The following VPS13D variants were observed in gnomAD, a reference collection of about 807,000 sequenced individuals.
VPS13D encodes vacuolar protein sorting 13 homolog D.
In VPS13D, 187 loss-of-function variants were observed where a neutral mutation model predicts 461.9. The ratio of observed to expected loss-of-function variants is 0.40; its 90% CI spans 0.36 to 0.46. VPS13D has a LOEUF of 0.46. Ranked by LOEUF, VPS13D falls within the 20% of genes least tolerant of loss-of-function variation. VPS13D has a pLI of 0.60. For synonymous variants in VPS13D, 1,951 were observed against 1,986.3 expected, an observed-to-expected ratio of 0.98 and a Z score of 0.47; for missense variants, 4,711 against 5,364.9, an observed-to-expected ratio of 0.88 and a Z score of 3.81.
Position 12,342,977 on chromosome 1 carries a change from T to C in VPS13D, c.8811T>C (p.Val2937=), listed in dbSNP as rs765051716. The change falls in exon 42 of 70, where the codon GTT becomes GTC. Residue 2937 remains valine, a synonymous_variant. Coordinates refer to ENST00000620676, the MANE Select transcript of VPS13D (RefSeq NM_015378.4). ...CATTTCTCGATGATACTCACAATGTTAGTGAATGGCGAGAAGTCCTTACAG... is the reference window on the plus strand; with the variant it reads ...CATTTCTCGATGATACTCACAATGTCAGTGAATGGCGAGAAGTCCTTACAG... ...NGTFLDDTHN[V]SEWREVLTGE... is the part of the protein sequence containing the mutation. 3.7e-6 allele frequency: 6 copies of C among 1,614,002 alleles called. No homozygotes were observed.
intron 9 of VPS13D, among the ~76,000 whole-genome samples, 158 bp downstream of exon 9, chr1:12,257,245 T>A (rs548728325): frequency 3.9e-4 from 60 of 152,376 alleles, no homozygotes; most frequent in Non-Finnish European, 4.3e-4. Flanking sequence ...TTGTTTATCA[T>A]CATTGATATT....
intron 16 of VPS13D, among the ~76,000 whole-genome samples, chr1:12,270,111 C>T (rs1420236822): frequency 1.3e-5 from 2 of 151,214 alleles, no homozygotes; most frequent in Non-Finnish European, 2.9e-5. Flanking sequence ...GCTATGATTA[C>T]ACCACTGCAC....
chr1:12,308,408 T>C lies in VPS13D; in HGVS notation c.6440-23T>C, dbSNP rs778119378. 6.2e-6 allele frequency: 10 copies of C among 1,613,546 alleles called. No individual in the cohort carries two copies. The South Asian group carries it at 9.9e-5, about 16-fold the overall frequency. On this transcript the variant is annotated intron_variant, in intron 26 of 69. Transcript: ENST00000620676. ...TTTGGGTCCCCTTTTCTTCATTACC[T>C]CTCTTTCCTTGGGTCCTTGTAGAAG...
At chr1:12,497,823 G>C (rs191342036) in intron 68 of VPS13D, among the ~76,000 whole-genome samples, 192 bp downstream of exon 68, 5 of 152,346 alleles carry the variant, frequency 3.3e-5, no homozygotes, top group Non-Finnish European at 1.5e-5. Context: ...ACTCAAAGCA[G>C]TGGTTCTCAA....
chr1:12,324,109 A>T (rs1643116265), intron 35 of VPS13D, among the ~76,000 whole-genome samples: 1 of 152,038 alleles, frequency 6.6e-6, no homozygotes, highest in Non-Finnish European at 1.5e-5. Flanking sequence ...GGGTTTCACC[A>T]TGTTGGCCAG....
intron 43 of VPS13D, 149 bp downstream of exon 43, chr1:12,345,658 C>G: frequency 9.0e-7 from 1 of 1,108,488 alleles, no homozygotes; most frequent in Non-Finnish European, 1.2e-6. Context: ...CATTGGTAAT[C>G]AATATGTAGA....
intron 40 of VPS13D, among the ~76,000 whole-genome samples, chr1:12,340,685 C>T (rs1285999665): frequency 6.6e-6 from 1 of 152,214 alleles, no homozygotes; most frequent in Non-Finnish European, 1.5e-5. Context: ...CATTTTCTCC[C>T]AGCTGCAGAG....
intron 65 of VPS13D, among the ~76,000 whole-genome samples, chr1:12,418,398 G>C (rs1487286680): frequency 6.6e-6 from 1 of 152,056 alleles, no homozygotes; most frequent in East Asian, 1.9e-4. Context: ...TTTAGCTCTT[G>C]GACTTGATAT....
At chr1:12,301,283 A>G (rs1024533009) in intron 25 of VPS13D, among the ~76,000 whole-genome samples, 3 of 152,198 alleles carry the variant, frequency 2.0e-5, no homozygotes, top group African/African-American at 7.2e-5. Flanking sequence ...AAGACCCCAC[A>G]GGTCCCTAAA....
chr1:12,335,672 G>T, intron 38 of VPS13D, 33 bp from the exon 39 acceptor site: 1 of 1,565,226 alleles, frequency 6.4e-7, no homozygotes. Context: ...ATCTTTTTTA[G>T]TTCTCTTAAT....
At chr1:12,360,329 A>G (rs1446332422) in intron 50 of VPS13D, among the ~76,000 whole-genome samples, 3 of 152,192 alleles carry the variant, frequency 2.0e-5, no homozygotes, top group Admixed American at 6.5e-5. Flanking sequence ...ACTCCCTATC[A>G]GGAAAGTTTA....
intron 47 of VPS13D, among the ~76,000 whole-genome samples, 181 bp from the exon 48 acceptor site, chr1:12,355,718 C>G (rs1400748482): frequency 6.6e-6 from 1 of 151,980 alleles, no homozygotes; most frequent in African/African-American, 2.4e-5. Flanking sequence ...GATTCCAGGC[C>G]TTCTGGTTTG....
At chr1:12,243,727 C>T (rs562245030) in intron 3 of VPS13D, among the ~76,000 whole-genome samples, 15 of 152,116 alleles carry the variant, frequency 9.9e-5, no homozygotes, top group Non-Finnish European at 1.8e-4. Flanking sequence ...GCTTTCTCAT[C>T]AGCCCAGGTT....
In VPS13D at chr1:12,477,050, G is replaced by A. The variant is rs995817697; in HGVS notation, c.12662+16654G>A. Among the ~76,000 whole-genome samples, 10 of 152,316 alleles carry A rather than the reference G, an allele frequency of 6.6e-5. No homozygotes were observed. The South Asian group carries it at 8.3e-4, about 13-fold the overall frequency. On this transcript the variant is annotated intron_variant, in intron 67 of 69. Coordinates refer to ENST00000620676, the MANE Select transcript of VPS13D (RefSeq NM_015378.4). The stretch of plus-strand genomic sequence containing the variant: ...CCATCAAAGAAGTCTGCTTCTGCCC[G>A]GAATTGGAAAGTGCCAGTGGGCATG...
chr1:12,411,122 C>CT (rs1644721614), intron 63 of VPS13D, among the ~76,000 whole-genome samples: 1 of 152,036 alleles, frequency 6.6e-6, no homozygotes, highest in Admixed American at 6.5e-5. Flanking sequence ...CAAGGATGAT[C>CT]TTTTTGAAAA....
intron 1 of VPS13D, among the ~76,000 whole-genome samples, chr1:12,232,563 G>A (rs964177558): frequency 6.6e-6 from 1 of 151,020 alleles, no homozygotes; most frequent in African/African-American, 2.4e-5. Context: ...TTCTAGTTGA[G>A]CAATCTCAGA....
At chr1:12,385,409 C>T in intron 59 of VPS13D, 36 bp downstream of exon 59, 2 of 1,542,628 alleles carry the variant, frequency 1.3e-6, no homozygotes, top group South Asian at 1.2e-5. Flanking sequence ...TTTATTTGAT[C>T]ATCAGTTTTT....
chr1:12,231,763 C>T (rs1639980521), intron 1 of VPS13D, among the ~76,000 whole-genome samples: 17 of 152,132 alleles, frequency 1.1e-4, no homozygotes, highest in Non-Finnish European at 2.1e-4. Flanking sequence ...CCAAAGTGGG[C>T]AGATCGCTTA....
In VPS13D at chr1:12,400,265, G is replaced by A. The variant is rs141581482; in HGVS notation, c.11719G>A (p.Gly3907Ser). Residue 3907 changes from glycine (G) to serine (S), a missense_variant, in exon 61 of 70, where the codon GGC becomes AGC. By Grantham distance (56) the Gly-to-Ser change is moderately conservative (BLOSUM62 0). Transcript: ENST00000620676. Reference sequence around the variant, plus strand: ...CAATGAGAATGAGGTCATCGAGACCGGCCCAGCTGTGCAAGTCAACGCAGT... The same window carrying A: ...CAATGAGAATGAGGTCATCGAGACCAGCCCAGCTGTGCAAGTCAACGCAGT... ...LSNENEVIETGPAVQVNAVKF... is the reference protein window; with the variant it reads ...LSNENEVIETSPAVQVNAVKF... 88 of 1,614,154 alleles carry A rather than the reference G, an allele frequency of 5.5e-5. No homozygotes were observed. In the African/African-American group the frequency reaches 7.3e-4, roughly 13 times the overall value.
Sources: gnomAD v4.1 joint callset for allele counts (sites outside exome capture counted in the v4.1 genomes callset) on GRCh38, gnomAD v4.1.1 for gene constraint, MANE v1.5 for transcripts, NCBI Gene and HGNC (gene_info 2026-07-23, HGNC 2026-07-21) for gene names.